Variants in SLC35A5 observed in about 807,000 individuals in gnomAD.
SLC35A5 encodes solute carrier family 35 member A5, also known as UDP-sugar transporter protein SLC35A5.
SLC35A5 carries 28 observed loss-of-function variants against 36.3 expected under a neutral mutation model. That is an observed-to-expected ratio of 0.77 (90% confidence interval 0.57 to 1.06). SLC35A5 has a LOEUF of 1.06. Ranked by LOEUF, SLC35A5 falls within the 50% of genes least tolerant of loss-of-function variation. The pLI, the probability that SLC35A5 is intolerant of heterozygous loss-of-function variation, is 0.00. For missense variants in SLC35A5, 521 were observed against 499.3 expected (o/e 1.04, Z -0.41); for synonymous variants, 180 against 173.7 (o/e 1.04, Z -0.29).
At chr3:112,571,986 A>G (rs999234902) in intron 4 of SLC35A5, among the ~76,000 whole-genome samples, 4 of 120,662 alleles carry the variant, frequency 3.3e-5, no homozygotes, top group Non-Finnish European at 6.3e-5. Context: ...CCCAGGCCGG[A>G]CTACGGACTG....
In SLC35A5 at chr3:112,563,547, T is replaced by C; in HGVS notation, c.130+14T>C. On this transcript the variant is annotated intron_variant, in intron 2 of 6. Coordinates refer to ENST00000492406, the MANE Select transcript of SLC35A5 (RefSeq NM_017945.5). ...CTGCCAATGAAGGTAAGTTAAGACTTGGTATATGCATGGAGCACTTCCATC... is the reference window on the plus strand; with the variant it reads ...CTGCCAATGAAGGTAAGTTAAGACTCGGTATATGCATGGAGCACTTCCATC... 6.3e-7 allele frequency: 1 copy of C among 1,591,042 alleles called. No homozygotes were observed. Among genetic ancestry groups the C allele is most frequent in the Non-Finnish European group, 8.6e-7 (1 of 1,162,604 alleles).
In SLC35A5 at chr3:112,583,038, T is replaced by G; in HGVS notation, c.*302T>G. 2.2e-6 allele frequency: 1 copy of G among 444,866 alleles called. No homozygotes were observed. The highest frequency in any genetic ancestry group is 3.9e-6 in the Non-Finnish European group (1 of 253,674). The allele number at this position is 444,866 out of a possible 1,614,324, so 27.6% of individuals were successfully genotyped here. Reference sequence around the variant, plus strand: ...GGCCTTCAAGCTTCCAAAAAACTTGTAATAATCATGTTAGCTATAGCTTGT... The same window carrying G: ...GGCCTTCAAGCTTCCAAAAAACTTGGAATAATCATGTTAGCTATAGCTTGT... On this transcript the variant is annotated 3_prime_UTR_variant, in exon 7 of 7. Transcript: ENST00000492406.
At chr3:112,563,288 A>C in intron 1 of SLC35A5, 97 bp from the exon 2 acceptor site, 7 of 1,206,718 alleles carry the variant, frequency 5.8e-6, no homozygotes, top group Middle Eastern at 4.2e-4. Flanking sequence ...TCATAGCCAA[A>C]ATTTTTTAAA....
chr3:112,568,804 A>G (rs1173916421), intron 2 of SLC35A5, among the ~76,000 whole-genome samples: 1 of 152,254 alleles, frequency 6.6e-6, no homozygotes, highest in Non-Finnish European at 1.5e-5. Flanking sequence ...ATAATTCAGC[A>G]GGTCAGTTCA....
At chr3:112,576,768 G>A (rs2668216) in intron 5 of SLC35A5, among the ~76,000 whole-genome samples, 146,522 of 152,306 alleles carry the variant, frequency 0.96, 70,603 homozygotes, top group Non-Finnish European at 0.99. Context: ...ATTGATGTAT[G>A]TGCTTTTATT....
At chr3:112,575,101 A>G (rs1054837755) in intron 5 of SLC35A5, among the ~76,000 whole-genome samples, 3 of 152,180 alleles carry the variant, frequency 2.0e-5, no homozygotes, top group Admixed American at 6.5e-5. Flanking sequence ...TAAGCAAGCA[A>G]TAATATTTGT....
chr3:112,570,053 G>T (rs547930944), intron 3 of SLC35A5, among the ~76,000 whole-genome samples: 21 of 152,188 alleles, frequency 1.4e-4, no homozygotes, highest in Admixed American at 5.2e-4. Context: ...CATTCTCTCT[G>T]CTACAGTGCC....
Position 112,570,565 on chromosome 3 carries a change from T to A in SLC35A5, c.255T>A (p.Tyr85Ter), listed in dbSNP as rs1486818797. The change falls in exon 4 of 7, where the codon TAT becomes TAA. Residue 85 changes from tyrosine to a stop codon, truncating the protein, a stop_gained. Coordinates refer to ENST00000492406, the MANE Select transcript of SLC35A5 (RefSeq NM_017945.5). LOFTEE classifies it high-confidence loss of function. ...ATCATCAAAGTAGAAATTTGAAATA[T>A]GCTTCCTGGAAGGAATTCTCTGATT... ...KKDHQSRNLK[Y>*]ASWKEFSDFM... 1 of 1,608,126 alleles carries A rather than the reference T, an allele frequency of 6.2e-7. No individual in the cohort carries two copies. The highest frequency in any genetic ancestry group is 1.3e-5 in the African/African-American group (1 of 74,568).
Position 112,563,429 on chromosome 3 carries a change from C to T in SLC35A5, c.26C>T (p.Pro9Leu). The T allele has an allele frequency of 1.3e-6, 2 of 1,577,878 alleles. No individual in the cohort carries two copies. The highest frequency in any genetic ancestry group is 1.1e-5 in the South Asian group (1 of 87,934). Residue 9 changes from proline to leucine, a missense_variant, in exon 2 of 7, where the codon CCT (proline) becomes CTT (leucine). Pro to Leu is a moderately conservative substitution (Grantham distance 98, BLOSUM62 -3). Coordinates refer to ENST00000492406, the MANE Select transcript of SLC35A5 (RefSeq NM_017945.5). MEKQCCSH[P>L]VICSLSTMYT... Reference sequence around the variant, plus strand: ...ATGGAAAAACAGTGCTGTAGTCATCCTGTAATATGCTCCTTGTCAACAATG... The same window carrying T: ...ATGGAAAAACAGTGCTGTAGTCATCTTGTAATATGCTCCTTGTCAACAATG...
At position 112,563,257 on chromosome 3, in the gene SLC35A5, A is replaced by T. The variant is rs565417595; in HGVS notation, c.-19-128A>T. 75 of 601,112 alleles carry T rather than the reference A, an allele frequency of 1.2e-4. No homozygotes were observed. In the African/African-American group the frequency reaches 1.3e-3, roughly 11 times the overall value. The allele number at this position is 601,112 out of a possible 1,614,324, so 37.2% of individuals were successfully genotyped here. ...TTTGTCATAGTTTCTTTATGCCTCA[A>T]CTTTCTTGGTGCTGATATAGTCATA... On this transcript the variant is annotated intron_variant, in intron 1 of 6. Coordinates refer to ENST00000492406, the MANE Select transcript of SLC35A5 (RefSeq NM_017945.5).
At chr3:112,570,410 A>G (rs1208187941) in intron 3 of SLC35A5, 130 bp from the exon 4 acceptor site, 18 of 965,282 alleles carry the variant, frequency 1.9e-5, no homozygotes, top group Non-Finnish European at 2.4e-5. Context: ...TTGAAGAGAG[A>G]CAGTAATGAA....
chr3:112,561,873 T>TA, upstream of SLC35A5: 1 of 286,628 alleles, frequency 3.5e-6, no homozygotes, highest in Non-Finnish European at 6.6e-6. Context: ...CTGTCTGTCC[T>TA]CGCTTTGCTT....
intron 3 of SLC35A5, among the ~76,000 whole-genome samples, chr3:112,569,676 C>G (rs1399667255): frequency 6.6e-6 from 1 of 152,212 alleles, no homozygotes; most frequent in Non-Finnish European, 1.5e-5. Context: ...AGAGACTGTT[C>G]TGGGGCAGAT....
chr3:112,582,576 T>G, intron 6 of SLC35A5, 95 bp from the exon 7 acceptor site: 19 of 772,030 alleles, frequency 2.5e-5, no homozygotes, highest in East Asian at 5.2e-5. Context: ...TATAGCTTAA[T>G]GAGGTAAGAC....
At chr3:112,576,166 T>C (rs1934665217) in intron 5 of SLC35A5, among the ~76,000 whole-genome samples, 1 of 150,676 alleles carries the variant, frequency 6.6e-6, no homozygotes, top group African/African-American at 2.4e-5. Flanking sequence ...TCTTGCTCTG[T>C]CGCCAGGCTG....
In SLC35A5 at chr3:112,577,092, GA is replaced by G. The variant is rs11483243; in HGVS notation, c.428+3147del. Reference sequence around the variant, plus strand: ...ATAATTTTTAAAAAAAATTTTTTAAGAAAAAAAAAAATAATTTTTAAAAATT... The same window carrying G: ...ATAATTTTTAAAAAAAATTTTTTAAGAAAAAAAAAATAATTTTTAAAAATT... On this transcript the variant is annotated intron_variant, in intron 5 of 6. Transcript: ENST00000492406. 9.5e-3 allele frequency among the ~76,000 whole-genome samples: 1,379 copies of G among 145,658 alleles called. 30 individuals carry two copies. The highest frequency in any genetic ancestry group is 0.032 in the African/African-American group (1,271 of 39,382).
intron 4 of SLC35A5, among the ~76,000 whole-genome samples, chr3:112,572,564 C>G (rs535386395): frequency 6.6e-6 from 1 of 152,256 alleles, no homozygotes; most frequent in South Asian, 2.1e-4. Context: ...TCTGTGTCCC[C>G]CAGTACCAAA....
intron 2 of SLC35A5, among the ~76,000 whole-genome samples, chr3:112,564,876 G>T (rs961188715): frequency 1.3e-5 from 2 of 152,184 alleles, no homozygotes; most frequent in African/African-American, 2.4e-5. Flanking sequence ...ATTTAACCCT[G>T]AGTTGACACA....
At chr3:112,571,200 A>T (rs917709737) in intron 4 of SLC35A5, among the ~76,000 whole-genome samples, 3 of 152,248 alleles carry the variant, frequency 2.0e-5, no homozygotes, top group Non-Finnish European at 2.9e-5. Context: ...AATGCCATCT[A>T]TAACTGATAA....
Sources: allele counts gnomAD v4.1 joint callset (sites outside exome capture counted in the v4.1 genomes callset), GRCh38; gene constraint gnomAD v4.1.1; transcripts MANE v1.5; gene names NCBI Gene and HGNC (gene_info 2026-07-23, HGNC 2026-07-21).